The following SPTBN5 variants were observed in gnomAD, a reference collection of about 807,000 sequenced individuals.
SPTBN5 encodes spectrin beta chain, non-erythrocytic 5.
In SPTBN5, 513 loss-of-function variants were observed where a neutral mutation model predicts 477.6. That is an observed-to-expected ratio of 1.07 (90% CI 1.00 to 1.16). SPTBN5 has a LOEUF of 1.16. Ranked by LOEUF, SPTBN5 falls within the 50% of genes most tolerant of loss-of-function variation. The probability of loss-of-function intolerance (pLI) is 0.00; values close to 1 mark genes in which losing one functional copy is unlikely to be tolerated. For synonymous variants in SPTBN5, 2,169 were observed against 2,011.7 expected, an observed-to-expected ratio of 1.08 and a Z score of -2.09; for missense variants, 5,062 against 4,731.8, an observed-to-expected ratio of 1.07 and a Z score of -2.05.
At position 41,889,999 on chromosome 15, in the gene SPTBN5, T is replaced by C. The variant is rs111876884; in HGVS notation, c.501+90A>G. The C allele has an allele frequency of 1.4e-4, 111 of 796,606 alleles. 1 individual carries two copies. The Middle Eastern group carries it at 4.9e-3, about 35-fold the overall frequency. 49.3% of individuals were successfully genotyped at this position (796,606 alleles called of 1,614,324 possible). On this transcript the variant is annotated intron_variant, in intron 4 of 67. Transcript: ENST00000320955. The stretch of plus-strand genomic sequence containing the variant: ...GATCTCCTATGGGGATCATAAAAGT[T>C]GTGTGGAACTTATGAATCCCCAGGG...
intron 18 of SPTBN5, 43 bp from the exon 19 acceptor site, chr15:41,876,991 G>A (rs1245967873): frequency 2.5e-6 from 4 of 1,580,630 alleles, no homozygotes; most frequent in Non-Finnish European, 3.4e-6. Flanking sequence ...GAGAATGGGG[G>A]TCAGGACCAT....
In SPTBN5 at chr15:41,868,411, G is replaced by A. The variant is rs1411888941; in HGVS notation, c.6044C>T (p.Thr2015Ile). 6.2e-7 allele frequency: 1 copy of A among 1,603,230 alleles called. No individual in the cohort carries two copies. Among genetic ancestry groups the A allele is most frequent in the Non-Finnish European group, 8.5e-7 (1 of 1,173,770 alleles). ...LGQQALLAAG[T>I]PTKEVQEELR... ...GAGGGGGCCCACCTCCTTGGTGGGT[G>A]TCCCTGCAGCAAGAAGTGCCTGCTG... Residue 2015 changes from threonine to isoleucine, a missense_variant, in exon 33 of 68, where the codon ACA becomes ATA. By Grantham distance (89) the Thr-to-Ile change is moderately conservative. Transcript: ENST00000320955.
rs550534256 is a variant in SPTBN5, at chr15:41,855,782, C to T, written c.9022-37G>A. 98 of 1,515,850 alleles carry T rather than the reference C, an allele frequency of 6.5e-5. No individual in the cohort carries two copies. The African/African-American group carries it at 7.3e-4, about 11-fold the overall frequency. The allele number at this position is 1,515,850 out of a possible 1,614,324, so 93.9% of individuals were successfully genotyped here. On this transcript the variant is annotated intron_variant, in intron 53 of 67. Transcript: ENST00000320955. ...AGAGTGGAGATCCGTTTTCCCGGGG[C>T]ACCCTCCAGGGCTCAGGATTTACAG... is the stretch of plus-strand genomic sequence containing the variant.
chr15:41,863,127 T>C (rs2066175199), intron 41 of SPTBN5, among the ~76,000 whole-genome samples: 1 of 152,262 alleles, frequency 6.6e-6, no homozygotes, highest in Non-Finnish European at 1.5e-5. Context: ...ACGTGTGTGC[T>C]GCTTCCCTGT....
Position 41,881,947 on chromosome 15 carries a change from AC to A in SPTBN5, c.2445del (p.Ser816ArgfsTer5). 1.3e-6 allele frequency: 2 copies of A among 1,527,434 alleles called. No individual in the cohort carries two copies. Among genetic ancestry groups the A allele is most frequent in the Non-Finnish European group, 1.7e-6 (2 of 1,146,080 alleles). The allele number at this position is 1,527,434 out of a possible 1,614,324, so 94.6% of individuals were successfully genotyped here. A position where few individuals can be genotyped will look rare whatever the true frequency, so the allele number is the denominator to read the frequency against. Reference sequence around the variant, plus strand: ...GTCCCCGTCCTCACCGTGAATAACGACGCCCGGGCCGAGGCCGCCCGCCCCT... The same window carrying A: ...GTCCCCGTCCTCACCGTGAATAACGAGCCCGGGCCGAGGCCGCCCGCCCCT... ...EEQGRAASARASLFTVNSALS... is the reference protein window; with the variant it reads ...EEQGRAASARXSLFTVNSALS... On this transcript the variant is annotated frameshift_variant, in exon 12 of 68. Transcript: ENST00000320955. LOFTEE classifies it high-confidence loss of function.
chr15:41,866,916 T>G, intron 36 of SPTBN5, 43 bp downstream of exon 36: 1 of 1,524,390 alleles, frequency 6.6e-7, no homozygotes, highest in Non-Finnish European at 8.8e-7. Flanking sequence ...AACTGTCGAG[T>G]GTGGTTCCAG....
intron 16 of SPTBN5, 85 bp from the exon 17 acceptor site, chr15:41,878,714 C>G (rs1444338045): frequency 7.0e-7 from 1 of 1,430,166 alleles, no homozygotes; most frequent in Non-Finnish European, 9.3e-7. Context: ...AACCTGCATC[C>G]CCCAGGGAGA....
Position 41,879,295 on chromosome 15 carries a change from C to G in SPTBN5, c.3147G>C (p.Glu1049Asp), listed in dbSNP as rs761073670. 5.0e-6 allele frequency: 8 copies of G among 1,611,874 alleles called. No homozygotes were observed. Among genetic ancestry groups the G allele is most frequent in the Non-Finnish European group, 6.8e-6 (8 of 1,179,876 alleles). The change falls in exon 16 of 68, where the codon GAG becomes GAC. Residue 1049 changes from glutamate to aspartate, a missense_variant. Physicochemically the swap from Glu to Asp is conservative, Grantham distance 45 (BLOSUM62 2). Transcript: ENST00000320955. ...CACTTTGGAGGAAGTGGACCCTCCT[C>G]TCCAGCACCAGGGTCTTCTTCTGGG... ...QLAQKKTLVLERRVHFLQSVV... is the reference protein window; with the variant it reads ...QLAQKKTLVLDRRVHFLQSVV...
Position 41,882,475 on chromosome 15 carries a change from G to A in SPTBN5, c.2047-6C>T, listed in dbSNP as rs762992520. 144 of 1,556,642 alleles carry A rather than the reference G, an allele frequency of 9.3e-5. No homozygotes were observed. The highest frequency in any genetic ancestry group is 1.2e-4 in the Non-Finnish European group (137 of 1,156,522). On this transcript the variant is annotated splice_polypyrimidine_tract_variant and splice_region_variant and intron_variant, in intron 10 of 67. Transcript: ENST00000320955. ...TGGACCTCAGCTTCCAGGGCCTAGCGGGGGGCAGAGCAGGGGGCTCAGTGA... is the reference window on the plus strand; with the variant it reads ...TGGACCTCAGCTTCCAGGGCCTAGCAGGGGGCAGAGCAGGGGGCTCAGTGA...
Position 41,854,765 on chromosome 15 carries a change from G to A in SPTBN5, c.9618+17C>T, listed in dbSNP as rs372625444. ...ACTCTGACACCCCTTAGCTTGGCCC[G>A]GCCTGTGATCACCTACCTCTGTGCG... On this transcript the variant is annotated intron_variant, in intron 56 of 67. Transcript: ENST00000320955. 1.5e-5 allele frequency: 23 copies of A among 1,485,508 alleles called. No individual in the cohort carries two copies. The highest frequency in any genetic ancestry group is 1.1e-4 in the African/African-American group (8 of 70,282). 92.0% of individuals were successfully genotyped at this position (1,485,508 alleles called of 1,614,324 possible).
Position 41,848,412 on chromosome 15 carries a change from G to T in SPTBN5, c.*204C>A. The T allele has an allele frequency of 1.5e-6, 1 of 646,128 alleles. No individual in the cohort carries two copies. The allele number at this position is 646,128 out of a possible 1,614,324, so 40.0% of individuals were successfully genotyped here. On this transcript the variant is annotated 3_prime_UTR_variant, in exon 68 of 68. Coordinates refer to ENST00000320955, the MANE Select transcript of SPTBN5 (RefSeq NM_016642.4). The stretch of plus-strand genomic sequence containing the variant: ...TCTTCACCCAGACAGGAATGCAGGG[G>T]GAGGCCAGGCAATGGCTGTTTCCTG...
chr15:41,860,599 C>G lies in SPTBN5; in HGVS notation c.7975G>C (p.Ala2659Pro). Reference protein sequence around the residue: ...EAQSALGRCQAMLLRKEALFR... With the variant: ...EAQSALGRCQPMLLRKEALFR... ...AGCCACCACTACCTCAGAAGCATGG[C>G]CTGGCACCTGCCCAGGGCACTCTGG... Residue 2659 changes from alanine to proline, a missense_variant, in exon 47 of 68, where the codon GCC becomes CCC. By Grantham distance (27) the Ala-to-Pro change is conservative (BLOSUM62 -1). Coordinates refer to ENST00000320955, the MANE Select transcript of SPTBN5 (RefSeq NM_016642.4). 6.8e-7 allele frequency: 1 copy of G among 1,469,118 alleles called. No individual in the cohort carries two copies. Among genetic ancestry groups the G allele is most frequent in the South Asian group, 1.4e-5 (1 of 70,862 alleles). 91.0% of individuals were successfully genotyped at this position (1,469,118 alleles called of 1,614,324 possible).
chr15:41,867,140 G>A lies in SPTBN5; in HGVS notation c.6313-14C>T, dbSNP rs1235554933. The A allele has an allele frequency of 1.3e-6, 2 of 1,518,990 alleles. No homozygotes were observed. The highest frequency in any genetic ancestry group is 2.8e-5 in the African/African-American group (2 of 72,652). The allele number at this position is 1,518,990 out of a possible 1,614,324, so 94.1% of individuals were successfully genotyped here. A position where few individuals can be genotyped will look rare whatever the true frequency, so the allele number is the denominator to read the frequency against. On this transcript the variant is annotated splice_polypyrimidine_tract_variant and intron_variant, in intron 35 of 67. Coordinates refer to ENST00000320955, the MANE Select transcript of SPTBN5 (RefSeq NM_016642.4). ...CAGGGCTGCCTCCTGTGGGGCAGGGGCACAGCTGCTGCTCTCCCACCCTGG... is the reference window on the plus strand; with the variant it reads ...CAGGGCTGCCTCCTGTGGGGCAGGGACACAGCTGCTGCTCTCCCACCCTGG...
At chr15:41,875,784 G>A (rs2066703969) in intron 21 of SPTBN5, among the ~76,000 whole-genome samples, 162 bp from the exon 22 acceptor site, 2 of 152,198 alleles carry the variant, frequency 1.3e-5, no homozygotes, top group South Asian at 2.1e-4. Context: ...AAAACTGCAG[G>A]TAGGGGGGCT....
rs367662131 is a variant in SPTBN5, at chr15:41,885,850, G to A, written c.1405C>T (p.Leu469=). 1.1e-3 allele frequency: 1,734 copies of A among 1,567,228 alleles called. 12 individuals carry two copies. Among genetic ancestry groups the A allele is most frequent in the Middle Eastern group, 5.0e-3 (30 of 5,998 alleles). Residue 469 remains leucine (L), a synonymous_variant, in exon 7 of 68, where the codon CTG becomes TTG. Transcript: ENST00000320955. ...LATVEAAVQR[L]GMLEAGILPQ... is the part of the protein sequence containing the mutation. ...AGGATGCCAGCCTCCAGCATGCCCAGCCTCTGGACGGCTGCCTCCACTGTG... is the reference window on the plus strand; with the variant it reads ...AGGATGCCAGCCTCCAGCATGCCCAACCTCTGGACGGCTGCCTCCACTGTG...
Position 41,869,855 on chromosome 15 carries a change from G to A in SPTBN5, c.5839C>T (p.Arg1947Cys), listed in dbSNP as rs775059503. 36 of 1,558,168 alleles carry A rather than the reference G, an allele frequency of 2.3e-5. No homozygotes were observed. Among genetic ancestry groups the A allele is most frequent in the Non-Finnish European group, 2.9e-5 (34 of 1,162,250 alleles). Residue 1947 changes from arginine (R) to cysteine (C), a missense_variant, in exon 32 of 68, where the codon CGC (arginine) becomes TGC (cysteine). Coordinates refer to ENST00000320955, the MANE Select transcript of SPTBN5 (RefSeq NM_016642.4). ...GGAGCCCTCACCGCCGTGCGGAAGC[G>A]GGCCAGGAGGCGTGCCCGCTCCAGC... is the stretch of plus-strand genomic sequence containing the variant. ...AQLERARLLARFRTAVRDYAS... is the reference protein window; with the variant it reads ...AQLERARLLACFRTAVRDYAS...
At position 41,881,243 on chromosome 15, in the gene SPTBN5, C is replaced by T; in HGVS notation, c.2458-9G>A. On this transcript the variant is annotated splice_polypyrimidine_tract_variant and intron_variant, in intron 12 of 67. Transcript: ENST00000320955. Reference sequence around the variant, plus strand: ...CTCAGGGCAGAGTTCACCTGTGTGACAAAGGGCAGCGCGTCTACAGGCGAC... The same window carrying T: ...CTCAGGGCAGAGTTCACCTGTGTGATAAAGGGCAGCGCGTCTACAGGCGAC... 1.9e-6 allele frequency: 3 copies of T among 1,596,166 alleles called. No homozygotes were observed. Among genetic ancestry groups the T allele is most frequent in the Non-Finnish European group, 2.6e-6 (3 of 1,172,332 alleles).
chr15:41,881,145 G>T lies in SPTBN5; in HGVS notation c.2547C>A (p.Ala849=), dbSNP rs780043416. Reference sequence around the variant, plus strand: ...GCTCAGCTGGGAGGGCCATCTTCCAGGCATCCCCAGGGCCAGGGTGGCAGG... The same window carrying T: ...GCTCAGCTGGGAGGGCCATCTTCCATGCATCCCCAGGGCCAGGGTGGCAGG... ...EASCHPGPGD[A]WKMALPAEPD... Residue 849 remains alanine, a synonymous_variant, in exon 13 of 68, where the codon GCC becomes GCA. Transcript: ENST00000320955. 6.2e-6 allele frequency: 10 copies of T among 1,613,652 alleles called. No individual in the cohort carries two copies.
chr15:41,852,232 AG>A lies in SPTBN5; in HGVS notation c.10533del (p.Ser3512LeufsTer6), dbSNP rs768423325. On this transcript the variant is annotated frameshift_variant, in exon 62 of 68. Transcript: ENST00000320955. LOFTEE classifies it high-confidence loss of function. ...TGTGCTCCTAGCCCCTGGTGTCCAGAGGGCCTCCACTGAAAGGATGTCAGCG... is the reference window on the plus strand; with the variant it reads ...TGTGCTCCTAGCCCCTGGTGTCCAGAGGCCTCCACTGAAAGGATGTCAGCG... ...GSSLTSFQWR[P>X]SGHQGLGAQL... is the part of the protein sequence containing the mutation. The A allele has an allele frequency of 6.2e-7, 1 of 1,610,662 alleles. No individual in the cohort carries two copies. Among genetic ancestry groups the A allele is most frequent in the South Asian group, 1.1e-5 (1 of 90,808 alleles).
Sources: gnomAD v4.1 joint callset for allele counts (sites outside exome capture counted in the v4.1 genomes callset) on GRCh38, gnomAD v4.1.1 for gene constraint, MANE v1.5 for transcripts, NCBI Gene and HGNC (gene_info 2026-07-23, HGNC 2026-07-21) for gene names.